The following FAM8A1 variants were observed in gnomAD, a reference collection of about 807,000 sequenced individuals.
The protein encoded by FAM8A1 is protein FAM8A1.
A neutral mutation model predicts 38.3 loss-of-function variants in FAM8A1; 18 were observed. That is an observed-to-expected ratio of 0.47 (90% confidence interval 0.33 to 0.70). FAM8A1 has a LOEUF of 0.70. Ranked by LOEUF, FAM8A1 falls within the 30% of genes least tolerant of loss-of-function variation. The pLI, the probability that FAM8A1 is intolerant of heterozygous loss-of-function variation, is 0.03. For synonymous variants in FAM8A1, 246 were observed against 234.4 expected (o/e 1.05, Z -0.45); for missense variants, 559 against 559.6 (o/e 1.00, Z 0.01).
chr6:17,601,067 A>AG lies in FAM8A1; in HGVS notation c.661dup (p.Val221GlyfsTer62). 6.3e-7 allele frequency: 1 copy of AG among 1,598,964 alleles called. No homozygotes were observed. The highest frequency in any genetic ancestry group is 8.5e-7 in the Non-Finnish European group (1 of 1,175,322). On this transcript the variant is annotated frameshift_variant, in exon 1 of 5. Coordinates refer to ENST00000259963, the MANE Select transcript of FAM8A1 (RefSeq NM_016255.3). LOFTEE classifies it high-confidence loss of function. The stretch of plus-strand genomic sequence containing the variant: ...GTCGGTCCGGGCCACTCCAGTGACG[A>AG]GGGTAGGATCCGCAGCCCCTTCGCG...
chr6:17,606,152 G>T, intron 4 of FAM8A1, 139 bp downstream of exon 4: 3 of 503,178 alleles, frequency 6.0e-6, no homozygotes, highest in Non-Finnish European at 9.3e-6. Flanking sequence ...TTTCAGTTGT[G>T]TTACATGATT....
chr6:17,606,441 C>T (rs972255293), intron 4 of FAM8A1, among the ~76,000 whole-genome samples: 6 of 152,112 alleles, frequency 3.9e-5, no homozygotes, highest in East Asian at 1.9e-4. Context: ...ACCTCATGAT[C>T]CACCCGCCTC....
rs1377574235 is a variant in FAM8A1, at chr6:17,601,049, C to T, written c.640C>T (p.Arg214Trp). The T allele has an allele frequency of 1.3e-6, 2 of 1,594,796 alleles. No homozygotes were observed. Among genetic ancestry groups the T allele is most frequent in the Non-Finnish European group, 1.7e-6 (2 of 1,173,472 alleles). Residue 214 changes from arginine to tryptophan, a missense_variant, in exon 1 of 5, where the codon CGG (arginine) becomes TGG (tryptophan). Arg to Trp is a moderately radical substitution (Grantham distance 101, BLOSUM62 -3). Transcript: ENST00000259963. ...GGCTCCTCACGTGCAGGCGTCGGTC[C>T]GGGCCACTCCAGTGACGAGGGTAGG... The part of the protein sequence containing the change: ...PRAPHVQASV[R>W]ATPVTRVGSA...
rs1764131169 is a variant in FAM8A1 at position 17,610,812 on chromosome 6, A to G, written c.*2473A>G. 6.6e-6 allele frequency: 1 copy of G among 152,176 alleles called. No individual in the cohort carries two copies. 9.4% of individuals were successfully genotyped at this position (152,176 alleles called of 1,614,324 possible). On this transcript the variant is annotated 3_prime_UTR_variant, in exon 5 of 5. Transcript: ENST00000259963. ...CAAGCTGAGTGAGAATACTGTTTCA[A>G]TGAGCATGTCCCTAAGATAAACCAG...
Position 17,601,109 on chromosome 6 carries a change from G to C in FAM8A1, c.700G>C (p.Gly234Arg), listed in dbSNP as rs202036280. The change falls in exon 1 of 5, where the codon GGG becomes CGG. Residue 234 changes from glycine (G) to arginine (R), a missense_variant. Gly to Arg is a moderately radical substitution (Grantham distance 125). Around this residue, in one of 2 missense-constraint regions of FAM8A1, gnomAD observed 166 missense variants for 220.8 expected, o/e 0.75. Coordinates refer to ENST00000259963, the MANE Select transcript of FAM8A1 (RefSeq NM_016255.3). ...CCCTTCGCGAAGCCCGAGCGAGACCGGGCGACAGGCAGGTGAGAAGCGCGA... is the reference window on the plus strand; with the variant it reads ...CCCTTCGCGAAGCCCGAGCGAGACCCGGCGACAGGCAGGTGAGAAGCGCGA... Reference protein sequence around the residue: ...AAPSRSPSETGRQAGREYVIP... With the variant: ...AAPSRSPSETRRQAGREYVIP... 3 of 1,592,952 alleles carry C rather than the reference G, an allele frequency of 1.9e-6. No individual in the cohort carries two copies. The highest frequency in any genetic ancestry group is 2.7e-5 in the African/African-American group (2 of 74,814).
At chr6:17,601,851 TG>T (rs201645514) in intron 1 of FAM8A1, among the ~76,000 whole-genome samples, 34 of 142,748 alleles carry the variant, frequency 2.4e-4, no homozygotes, top group Non-Finnish European at 3.4e-4. Context: ...AAAAAACGGG[TG>T]GGGGGGGATT....
chr6:17,606,018 G>C lies in FAM8A1; in HGVS notation c.1097+5G>C. On this transcript the variant is annotated splice_donor_5th_base_variant and intron_variant, in intron 4 of 4. Transcript: ENST00000259963. ...CTCAAATGTTAGCATTACAACGTAAGTCCTTTTCTTAGCTTAATCTACTAC... is the reference window on the plus strand; with the variant it reads ...CTCAAATGTTAGCATTACAACGTAACTCCTTTTCTTAGCTTAATCTACTAC... The C allele has an allele frequency of 6.8e-7, 1 of 1,476,736 alleles. No individual in the cohort carries two copies. Among genetic ancestry groups the C allele is most frequent in the South Asian group, 1.3e-5 (1 of 76,598 alleles). 91.5% of individuals were successfully genotyped at this position (1,476,736 alleles called of 1,614,324 possible). A position where few individuals can be genotyped will look rare whatever the true frequency, so the allele number is the denominator to read the frequency against.
intron 4 of FAM8A1, 113 bp from the exon 5 acceptor site, chr6:17,608,082 T>G (rs1329029469): frequency 8.7e-7 from 1 of 1,144,448 alleles, no homozygotes; most frequent in Admixed American, 2.1e-5. Flanking sequence ...TGTAGACTTC[T>G]GTAGAGAAGT....
At chr6:17,603,564 C>T (rs1331765038) in intron 2 of FAM8A1, among the ~76,000 whole-genome samples, 1 of 152,092 alleles carries the variant, frequency 6.6e-6, no homozygotes, top group Non-Finnish European at 1.5e-5. Context: ...CAACCCCAGA[C>T]CTCCTCACTG....
rs764536208 is a variant in FAM8A1, at chr6:17,611,275, A to G, written c.*2936A>G. ...AGTGACTTGAGTGTTTTAGTTATGCATAAGTATTTCTAGCAAAGGAAGGGT... is the reference window on the plus strand; with the variant it reads ...AGTGACTTGAGTGTTTTAGTTATGCGTAAGTATTTCTAGCAAAGGAAGGGT... On this transcript the variant is annotated 3_prime_UTR_variant, in exon 5 of 5. Transcript: ENST00000259963. 7 of 152,520 alleles carry G rather than the reference A, an allele frequency of 4.6e-5. No individual in the cohort carries two copies. Among genetic ancestry groups the G allele is most frequent in the Admixed American group, 6.5e-5 (1 of 15,272 alleles). The allele number at this position is 152,520 out of a possible 1,614,324, so 9.4% of individuals were successfully genotyped here.
At chr6:17,605,079 G>A in intron 3 of FAM8A1, 50 bp downstream of exon 3, 7 of 1,535,846 alleles carry the variant, frequency 4.6e-6, no homozygotes, top group Non-Finnish European at 6.2e-6. Flanking sequence ...CTAATTTTAT[G>A]TTTTTACATT....
At chr6:17,603,927 C>G (rs533807661) in intron 2 of FAM8A1, among the ~76,000 whole-genome samples, 21 of 151,952 alleles carry the variant, frequency 1.4e-4, no homozygotes, top group Admixed American at 1.1e-3. Flanking sequence ...CGATTACTGT[C>G]GTCTCTTGCT....
rs1460011114 is a variant in FAM8A1, at chr6:17,610,164, C to T, written c.*1825C>T. On this transcript the variant is annotated 3_prime_UTR_variant, in exon 5 of 5. Coordinates refer to ENST00000259963, the MANE Select transcript of FAM8A1 (RefSeq NM_016255.3). ...GTGTATACACTAGCATTAGTTTATA[C>T]ACCACTTTTGCCGCTGGGGAATTCA... 1 of 152,052 alleles carries T rather than the reference C, an allele frequency of 6.6e-6. No individual in the cohort carries two copies. Among genetic ancestry groups the T allele is most frequent in the East Asian group, 1.9e-4 (1 of 5,200 alleles). The allele number at this position is 152,052 out of a possible 1,614,324, so 9.4% of individuals were successfully genotyped here. A position where few individuals can be genotyped will look rare whatever the true frequency, so the allele number is the denominator to read the frequency against.
chr6:17,601,695 A>T (rs1429468797), intron 1 of FAM8A1, among the ~76,000 whole-genome samples: 6 of 152,312 alleles, frequency 3.9e-5, no homozygotes, highest in South Asian at 4.1e-4. Context: ...TTCTTAGTTT[A>T]CTATTTAAAC....
intron 1 of FAM8A1, among the ~76,000 whole-genome samples, chr6:17,602,162 C>A (rs1240108004): frequency 2.0e-5 from 3 of 152,210 alleles, no homozygotes; most frequent in Non-Finnish European, 4.4e-5. Flanking sequence ...TCCCTAGTAG[C>A]TGGGACTAAA....
intron 1 of FAM8A1, 63 bp downstream of exon 1, chr6:17,601,184 G>T: frequency 6.5e-7 from 1 of 1,527,546 alleles, no homozygotes; most frequent in Non-Finnish European, 8.8e-7. Flanking sequence ...GTGGGGTAGA[G>T]CTGGCACGCT....
At position 17,609,951 on chromosome 6, in the gene FAM8A1, G is replaced by C. The variant is rs753348130; in HGVS notation, c.*1612G>C. On this transcript the variant is annotated 3_prime_UTR_variant, in exon 5 of 5. Coordinates refer to ENST00000259963, the MANE Select transcript of FAM8A1 (RefSeq NM_016255.3). ...TTTAGTACAAAATTTCATAAACCGT[G>C]TTTTTCAAAATAAGTTTATGTCAAA... 3 of 152,126 alleles carry C rather than the reference G, an allele frequency of 2.0e-5. No homozygotes were observed. Among genetic ancestry groups the C allele is most frequent in the Admixed American group, 1.3e-4 (2 of 15,282 alleles). The allele number at this position is 152,126 out of a possible 1,614,324, so 9.4% of individuals were successfully genotyped here.
In FAM8A1 at chr6:17,601,098, C is replaced by T. The variant is rs1038032032; in HGVS notation, c.689C>T (p.Pro230Leu). 1 of 1,595,988 alleles carries T rather than the reference C, an allele frequency of 6.3e-7. No homozygotes were observed. The highest frequency in any genetic ancestry group is 8.5e-7 in the Non-Finnish European group (1 of 1,173,892). Residue 230 changes from proline to leucine, a missense_variant, in exon 1 of 5, where the codon CCG becomes CTG. Around this residue, in one of 2 missense-constraint regions of FAM8A1, gnomAD observed 393 missense variants for 338.9 expected, o/e 1.16. Coordinates refer to ENST00000259963, the MANE Select transcript of FAM8A1 (RefSeq NM_016255.3). ...GGATCCGCAGCCCCTTCGCGAAGCC[C>T]GAGCGAGACCGGGCGACAGGCAGGT... ...RVGSAAPSRSPSETGRQAGRE... is the reference protein window; with the variant it reads ...RVGSAAPSRSLSETGRQAGRE...
At chr6:17,606,617 C>T (rs1764056890) in intron 4 of FAM8A1, among the ~76,000 whole-genome samples, 1 of 152,168 alleles carries the variant, frequency 6.6e-6, no homozygotes, top group Admixed American at 6.5e-5. Context: ...GATGTTAGGT[C>T]AGGTACTAGT....
Sources: gnomAD v4.1 joint callset for allele counts (sites outside exome capture counted in the v4.1 genomes callset) on GRCh38, gnomAD v4.1.1 for gene constraint, gnomAD v4.1.1 regional missense constraint, MANE v1.5 for transcripts, NCBI Gene and HGNC (gene_info 2026-07-23, HGNC 2026-07-21) for gene names.